NCAPD2: variants seen among roughly 807,000 people sequenced by gnomAD.
NCAPD2 encodes the protein condensin complex subunit 1.
Under a neutral mutation model 164.5 loss-of-function variants are expected in NCAPD2, and 100 were observed. That is an observed-to-expected ratio of 0.61 (90% confidence interval 0.52 to 0.72). The LOEUF is 0.72. Among genes scored for constraint, NCAPD2 ranks in the 30% least tolerant of loss-of-function variants. The pLI, the probability that NCAPD2 is intolerant of heterozygous loss-of-function variation, is 0.00. For missense variants in NCAPD2, 1,560 were observed against 1,749.2 expected (o/e 0.89, Z 1.93); for synonymous variants, 585 against 642.6 (o/e 0.91, Z 1.36).
At position 6,509,698 on chromosome 12, in the gene NCAPD2, G is replaced by T. The variant is rs1047653610; in HGVS notation, c.128-19G>T. 1.2e-5 allele frequency: 20 copies of T among 1,612,540 alleles called. No individual in the cohort carries two copies. Among genetic ancestry groups the T allele is most frequent in the Non-Finnish European group, 1.7e-5 (20 of 1,178,948 alleles). ...GTTTCTCTTCCCTCCAAATTGATTT[G>T]TTTTTTCCATCTTCATAGCTTTTCA... is the stretch of plus-strand genomic sequence containing the variant. On this transcript the variant is annotated intron_variant, in intron 2 of 31. Coordinates refer to ENST00000315579, the MANE Select transcript of NCAPD2 (RefSeq NM_014865.4).
At chr12:6,516,637 GCC>G (rs2137051327) in intron 9 of NCAPD2, among the ~76,000 whole-genome samples, 189 bp from the exon 10 acceptor site, 1 of 152,318 alleles carries the variant, frequency 6.6e-6, no homozygotes, top group South Asian at 2.1e-4. Context: ...TCCTGTGTGA[GCC>G]CTATGAGGAA....
rs369971994 is a variant in NCAPD2 at position 6,516,286 on chromosome 12, G to A, written c.988-542G>A. 1.7e-3 allele frequency among the ~76,000 whole-genome samples: 256 copies of A among 150,914 alleles called. 2 individuals are homozygous for A. Among genetic ancestry groups the A allele is most frequent in the African/African-American group, 5.8e-3 (237 of 41,048 alleles). On this transcript the variant is annotated intron_variant, in intron 9 of 31. Coordinates refer to ENST00000315579, the MANE Select transcript of NCAPD2 (RefSeq NM_014865.4). ...TGGGAGGCCGAGGAGGGTGGATCAC[G>A]AGGTCAGGAGTTTGAGACCAGCCTG...
intron 2 of NCAPD2, among the ~76,000 whole-genome samples, chr12:6,502,798 A>G (rs917633): frequency 0.79 from 120,334 of 151,904 alleles, 48,421 homozygotes; most frequent in African/African-American, 0.95. Context: ...GCGCAACACA[A>G]CAAACCCTGT....
intron 6 of NCAPD2, among the ~76,000 whole-genome samples, chr12:6,512,292 A>T (rs938463041): frequency 6.2e-5 from 8 of 128,842 alleles, no homozygotes; most frequent in East Asian, 2.2e-4. Flanking sequence ...AAAAAAAAAA[A>T]AGATAGATAG....
At chr12:6,514,183 G>C (rs1946177991) in intron 6 of NCAPD2, 82 bp from the exon 7 acceptor site, 1 of 1,569,894 alleles carries the variant, frequency 6.4e-7, no homozygotes, top group Admixed American at 1.7e-5. Flanking sequence ...GGGAGCAGTA[G>C]GGATAGAATG....
Position 6,526,595 on chromosome 12 carries a change from G to C in NCAPD2, c.2714G>C (p.Arg905Thr), listed in dbSNP as rs769975634. The change falls in exon 21 of 32, where the codon AGA becomes ACA. Residue 905 changes from arginine to threonine, a missense_variant. Physicochemically the swap from Arg to Thr is moderately conservative, Grantham distance 71. Coordinates refer to ENST00000315579, the MANE Select transcript of NCAPD2 (RefSeq NM_014865.4). ...KQALEKLEEK[R>T]TSQEDPKESP... ...GCCCTGGAGAAGCTAGAAGAGAAGA[G>C]AACCAGTCAGGAGGACCCGAGTAAG... is the stretch of plus-strand genomic sequence containing the variant. 1 of 1,613,926 alleles carries C rather than the reference G, an allele frequency of 6.2e-7. No homozygotes were observed. Among genetic ancestry groups the C allele is most frequent in the Non-Finnish European group, 8.5e-7 (1 of 1,179,824 alleles).
intron 2 of NCAPD2, among the ~76,000 whole-genome samples, chr12:6,508,183 G>A (rs142156529): frequency 2.6e-4 from 40 of 152,172 alleles, no homozygotes; most frequent in East Asian, 9.7e-4. Context: ...TTAGCCAGGC[G>A]TTGTGGCACG....
Position 6,511,107 on chromosome 12 carries a change from T to C in NCAPD2, c.445-3T>C. On this transcript the variant is annotated splice_region_variant and splice_polypyrimidine_tract_variant and intron_variant, in intron 5 of 31. Transcript: ENST00000315579. Reference sequence around the variant, plus strand: ...TCCTCAATGTATACATGATCCTTTTTAGGGTAAGAAAGCTCGGACCAAGGC... The same window carrying C: ...TCCTCAATGTATACATGATCCTTTTCAGGGTAAGAAAGCTCGGACCAAGGC... 1.2e-6 allele frequency: 2 copies of C among 1,613,578 alleles called. No individual in the cohort carries two copies. The highest frequency in any genetic ancestry group is 1.7e-6 in the Non-Finnish European group (2 of 1,179,828).
At chr12:6,514,624 T>C (rs766808202) in intron 8 of NCAPD2, 37 bp downstream of exon 8, 12 of 1,613,414 alleles carry the variant, frequency 7.4e-6, no homozygotes, top group Middle Eastern at 1.7e-4. Flanking sequence ...ATGCTTATTT[T>C]CCTTGGGGAG....
chr12:6,522,696 G>T, intron 15 of NCAPD2, 132 bp from the exon 16 acceptor site: 1 of 931,758 alleles, frequency 1.1e-6, no homozygotes, highest in South Asian at 1.6e-5. Context: ...GGCATCATAG[G>T]AGGAGTCGAC....
intron 6 of NCAPD2, 99 bp from the exon 7 acceptor site, chr12:6,514,166 T>C (rs567890073): frequency 6.6e-7 from 1 of 1,512,132 alleles, no homozygotes; most frequent in Non-Finnish European, 9.1e-7. Flanking sequence ...AAGAAAACCC[T>C]GACTTTGGGA....
At position 6,529,530 on chromosome 12, in the gene NCAPD2, T is replaced by C. The variant is rs1351431978; in HGVS notation, c.3590T>C (p.Ile1197Thr). Residue 1197 changes from isoleucine to threonine, a missense_variant, in exon 28 of 32, where the codon ATC becomes ACC. Transcript: ENST00000315579. ...HTIMKQLLSY[I>T]TKDKQTESLV... ...TCCTGCAGACAGCTCCTCTCCTACATCACCAAGGACAAGCAGACAGAGAGC... is the reference window on the plus strand; with the variant it reads ...TCCTGCAGACAGCTCCTCTCCTACACCACCAAGGACAAGCAGACAGAGAGC... 4 of 1,613,986 alleles carry C rather than the reference T, an allele frequency of 2.5e-6. No individual in the cohort carries two copies. The highest frequency in any genetic ancestry group is 2.5e-6 in the Non-Finnish European group (3 of 1,179,972).
intron 2 of NCAPD2, among the ~76,000 whole-genome samples, chr12:6,501,390 G>A (rs931184202): frequency 6.6e-6 from 1 of 151,994 alleles, no homozygotes; most frequent in Non-Finnish European, 1.5e-5. Context: ...GTTTTGCCGT[G>A]TTGTCCAGTC....
chr12:6,519,292 T>A (rs1357799975), intron 13 of NCAPD2, among the ~76,000 whole-genome samples: 2 of 152,210 alleles, frequency 1.3e-5, no homozygotes, highest in Non-Finnish European at 2.9e-5. Flanking sequence ...AAATAGAGAC[T>A]ATAGTTTTAT....
chr12:6,514,268 G>T lies in NCAPD2; in HGVS notation c.591G>T (p.Leu197Phe), dbSNP rs1221357870. ...HSIIEEEFVSLVTGCCYRLLE... is the reference protein window; with the variant it reads ...HSIIEEEFVSFVTGCCYRLLE... ...TCTCAAACTCTTCCTTTCTCAGTTT[G>T]GTTACTGGCTGTTGCTACCGCCTTC... Residue 197 changes from leucine (L) to phenylalanine (F), a missense_variant, in exon 7 of 32, where the codon TTG (leucine) becomes TTT (phenylalanine). Physicochemically the swap from Leu to Phe is conservative, Grantham distance 22 (BLOSUM62 0). Transcript: ENST00000315579. The T allele has an allele frequency of 1.2e-6, 2 of 1,614,114 alleles. No homozygotes were observed. The highest frequency in any genetic ancestry group is 2.2e-5 in the South Asian group (2 of 91,080).
intron 2 of NCAPD2, 40 bp downstream of exon 2, chr12:6,495,265 A>G (rs1945967708): frequency 6.2e-7 from 1 of 1,608,938 alleles, no homozygotes; most frequent in Admixed American, 1.7e-5. Flanking sequence ...GCTCTTTCAA[A>G]GGACCATCTC....
rs1592164791 is a variant in NCAPD2 at position 6,501,225 on chromosome 12, T to A, written c.127+6000T>A. Among the ~76,000 whole-genome samples the A allele has an allele frequency of 4.3e-5, 5 of 115,312 alleles. No individual in the cohort carries two copies. In the South Asian group the frequency reaches 8.9e-4, roughly 20 times the overall value. The allele number at this position is 115,312 out of a possible 152,430, so 75.6% of individuals were successfully genotyped here. ...ACAGGTGTGCACCACCACGCCTGGC[T>A]AATTTTTTTTTTTTTTTTTTTTTTT... On this transcript the variant is annotated intron_variant, in intron 2 of 31. Coordinates refer to ENST00000315579, the MANE Select transcript of NCAPD2 (RefSeq NM_014865.4).
intron 13 of NCAPD2, 28 bp downstream of exon 13, chr12:6,517,987 T>C: frequency 6.2e-7 from 1 of 1,605,164 alleles, no homozygotes; most frequent in Non-Finnish European, 8.5e-7. Flanking sequence ...ATATTCTTCG[T>C]GATCTGTTTA....
chr12:6,529,499 TC>T lies in NCAPD2; in HGVS notation c.3573-10del, dbSNP rs1328326566. The T allele has an allele frequency of 1.2e-5, 19 of 1,612,504 alleles. No homozygotes were observed. Among genetic ancestry groups the T allele is most frequent in the Non-Finnish European group, 1.4e-5 (16 of 1,178,810 alleles). ...CCCTGGGCCATCGAACATCCTCATC[TC>T]CCCTTCCTGCAGACAGCTCCTCTCC... On this transcript the variant is annotated splice_polypyrimidine_tract_variant and intron_variant, in intron 27 of 31. Coordinates refer to ENST00000315579, the MANE Select transcript of NCAPD2 (RefSeq NM_014865.4).
Sources: allele counts gnomAD v4.1 joint callset (sites outside exome capture counted in the v4.1 genomes callset), GRCh38; gene constraint gnomAD v4.1.1; transcripts MANE v1.5; gene names NCBI Gene and HGNC (gene_info 2026-07-23, HGNC 2026-07-21).